TAS2R1: variants seen among roughly 807,000 people sequenced by gnomAD.
The protein encoded by TAS2R1 is taste 2 receptor member 1.
For missense variants in TAS2R1, 370 were observed against 353.4 expected (o/e 1.05, Z -0.38); for synonymous variants, 141 against 134.2 (o/e 1.05, Z -0.35).
chr5:9,646,887 T>C (rs1337761341), intron 2 of TAS2R1, among the ~76,000 whole-genome samples: 1 of 152,170 alleles, frequency 6.6e-6, no homozygotes, highest in Non-Finnish European at 1.5e-5. Flanking sequence ...GCTGCTGAAC[T>C]AACAATGAAA....
At chr5:9,745,902 C>T in the TAS2R1 span, among the ~76,000 whole-genome samples, 1 of 152,062 alleles carries the variant, frequency 6.6e-6, no homozygotes, top group Non-Finnish European at 1.5e-5. Context: ...GCAACAAAAG[C>T]CGAAATTGAC....
chr5:9,896,082 C>T, the TAS2R1 span, among the ~76,000 whole-genome samples: 2 of 152,144 alleles, frequency 1.3e-5, no homozygotes, highest in Admixed American at 6.5e-5. Flanking sequence ...TTTAGAGTTA[C>T]CCCAACCCTT....
the TAS2R1 span, among the ~76,000 whole-genome samples, chr5:9,792,232 AACAC>A: frequency 2.1e-4 from 32 of 152,318 alleles, no homozygotes; most frequent in African/African-American, 7.7e-4. Context: ...ATATCACAGA[AACAC>A]ACACATATAT....
the TAS2R1 span, among the ~76,000 whole-genome samples, chr5:9,801,072 A>C: frequency 6.6e-6 from 1 of 152,186 alleles, no homozygotes; most frequent in East Asian, 1.9e-4. Flanking sequence ...GGAGCCTATA[A>C]TCCCAGCTTC....
chr5:9,775,645 C>T, the TAS2R1 span, among the ~76,000 whole-genome samples: 1 of 152,118 alleles, frequency 6.6e-6, no homozygotes. Flanking sequence ...TCTCTCTAGT[C>T]AGCAGGTGAT....
At chr5:9,846,891 T>C in the TAS2R1 span, among the ~76,000 whole-genome samples, 2 of 152,262 alleles carry the variant, frequency 1.3e-5, no homozygotes, top group African/African-American at 2.4e-5. Context: ...CCTTACACTT[T>C]CTTTTGAAAT....
the TAS2R1 span, among the ~76,000 whole-genome samples, chr5:9,745,779 T>G: frequency 1.3e-5 from 2 of 152,084 alleles, no homozygotes; most frequent in African/African-American, 2.4e-5. Context: ...AAGGTAGATT[T>G]AAGACTTAAA....
chr5:9,891,007 G>A, the TAS2R1 span, among the ~76,000 whole-genome samples: 2 of 152,172 alleles, frequency 1.3e-5, no homozygotes, highest in Non-Finnish European at 2.9e-5. Context: ...CTCGGTAGGT[G>A]CCCATGGCCT....
chr5:9,632,776 A>G (rs1389938662), upstream of TAS2R1, among the ~76,000 whole-genome samples: 1 of 152,028 alleles, frequency 6.6e-6, no homozygotes, highest in Non-Finnish European at 1.5e-5. Flanking sequence ...TATAATTCTC[A>G]TTCTATTTCC....
the TAS2R1 span, among the ~76,000 whole-genome samples, chr5:9,851,070 C>A: frequency 6.6e-6 from 1 of 152,192 alleles, no homozygotes; most frequent in Non-Finnish European, 1.5e-5. Flanking sequence ...AATCCACGAC[C>A]TGAGATGTCT....
At chr5:9,656,418 A>G (rs1158520758) in intron 2 of TAS2R1, among the ~76,000 whole-genome samples, 1 of 152,228 alleles carries the variant, frequency 6.6e-6, no homozygotes. Context: ...TACGTCCAAG[A>G]TCTGCAGCTG....
chr5:9,727,453 G>T, the TAS2R1 span, among the ~76,000 whole-genome samples: 1 of 152,086 alleles, frequency 6.6e-6, no homozygotes, highest in Admixed American at 6.6e-5. Flanking sequence ...ATCAACTCAG[G>T]CAGGTAATCT....
At chr5:9,697,146 T>C (rs1579788772) in intron 1 of TAS2R1, among the ~76,000 whole-genome samples, 1 of 152,108 alleles carries the variant, frequency 6.6e-6, no homozygotes, top group East Asian at 1.9e-4. Flanking sequence ...GCCTTTTAAT[T>C]TGAACTAAAT....
At chr5:9,858,992 A>G in the TAS2R1 span, among the ~76,000 whole-genome samples, 2 of 152,200 alleles carry the variant, frequency 1.3e-5, no homozygotes, top group Admixed American at 1.3e-4. Flanking sequence ...TTCACATTCC[A>G]CTCACGGAGA....
upstream of TAS2R1, among the ~76,000 whole-genome samples, chr5:9,634,303 C>T (rs1378498438): frequency 1.3e-5 from 2 of 151,908 alleles, no homozygotes; most frequent in Admixed American, 6.6e-5. Flanking sequence ...GGTCTATGTG[C>T]CTGTTTTTAT....
chr5:9,712,704 T>C (rs1734712036), upstream of TAS2R1, among the ~76,000 whole-genome samples: 1 of 152,176 alleles, frequency 6.6e-6, no homozygotes, highest in Non-Finnish European at 1.5e-5. Context: ...GTCAACTCTT[T>C]AAAGTAAATA....
intron 1 of TAS2R1, among the ~76,000 whole-genome samples, chr5:9,685,771 T>C (rs1741112105): frequency 6.6e-6 from 1 of 152,238 alleles, no homozygotes; most frequent in Admixed American, 6.5e-5. Context: ...TTTTTTTAAG[T>C]ACAGTGCATT....
At chr5:9,643,682 C>T (rs1740129467) in intron 2 of TAS2R1, among the ~76,000 whole-genome samples, 2 of 152,168 alleles carry the variant, frequency 1.3e-5, no homozygotes, top group South Asian at 4.1e-4. Context: ...CATGGAACCA[C>T]CATTGTATAT....
chr5:9,746,582 A>G, the TAS2R1 span, among the ~76,000 whole-genome samples: 1 of 152,254 alleles, frequency 6.6e-6, no homozygotes, highest in Non-Finnish European at 1.5e-5. Context: ...AATACTGTGC[A>G]GCCATAAAAA....
Sources: allele counts gnomAD v4.1 joint callset (sites outside exome capture counted in the v4.1 genomes callset), GRCh38; gene constraint gnomAD v4.1.1; transcripts MANE v1.5; gene names NCBI Gene and HGNC (gene_info 2026-07-23, HGNC 2026-07-21).